Variants in MAP7 observed in about 807,000 individuals in gnomAD.
MAP7 encodes the protein microtubule associated protein 7, also known as ensconsin.
MAP7 carries 52 observed loss-of-function variants against 94.8 expected under a neutral mutation model. That is an observed-to-expected ratio of 0.55 (90% CI 0.44 to 0.69). The LOEUF (loss-of-function observed/expected upper bound fraction) is 0.69. Among genes scored for constraint, MAP7 ranks in the 30% least tolerant of loss-of-function variants. The pLI is 0.00. For synonymous variants in MAP7, 350 were observed against 357.0 expected, an observed-to-expected ratio of 0.98 and a Z score of 0.22; for missense variants, 940 against 964.6, an observed-to-expected ratio of 0.97 and a Z score of 0.34.
At chr6:136,486,951 C>T (rs1236725170) in intron 1 of MAP7, among the ~76,000 whole-genome samples, 2 of 151,458 alleles carry the variant, frequency 1.3e-5, no homozygotes, top group African/African-American at 4.9e-5. Flanking sequence ...ATAAAAATGT[C>T]AGAAGAAATA....
rs545719606 is a variant in MAP7 at position 136,480,618 on chromosome 6, G to A, written c.68-58819C>T. Among the ~76,000 whole-genome samples the A allele has an allele frequency of 9.2e-5, 13 of 141,576 alleles. No individual in the cohort carries two copies. The South Asian group carries it at 2.3e-3, about 25-fold the overall frequency. 92.9% of individuals were successfully genotyped at this position (141,576 alleles called of 152,430 possible). On this transcript the variant is annotated intron_variant, in intron 1 of 17. Coordinates refer to ENST00000354570, the MANE Select transcript of MAP7 (RefSeq NM_003980.6). ...GATTGCGCCACTGCACTCCAGCCTGGGTGACAGAGTGAGACTCTGCCTCAA... is the reference window on the plus strand; with the variant it reads ...GATTGCGCCACTGCACTCCAGCCTGAGTGACAGAGTGAGACTCTGCCTCAA...
intron 1 of MAP7, among the ~76,000 whole-genome samples, chr6:136,503,895 AAG>A (rs1475976214): frequency 6.6e-6 from 1 of 152,244 alleles, no homozygotes; most frequent in African/African-American, 2.4e-5. Flanking sequence ...TATATGCTAA[AAG>A]AGAGCACTAT....
At chr6:136,461,703 T>G (rs1214349073) in intron 1 of MAP7, among the ~76,000 whole-genome samples, 1 of 152,340 alleles carries the variant, frequency 6.6e-6, no homozygotes, top group African/African-American at 2.4e-5. Context: ...TTGAGAATAC[T>G]GATGCCTTTA....
intron 1 of MAP7, among the ~76,000 whole-genome samples, chr6:136,495,989 G>C (rs1430279135): frequency 6.6e-6 from 1 of 152,176 alleles, no homozygotes; most frequent in Admixed American, 6.5e-5. Flanking sequence ...GTTTCAGTCT[G>C]TGGAACAATT....
intron 1 of MAP7, among the ~76,000 whole-genome samples, chr6:136,474,187 A>G (rs1262937860): frequency 6.6e-6 from 1 of 152,230 alleles, no homozygotes; most frequent in African/African-American, 2.4e-5. Context: ...GTGGTGAGAA[A>G]GAACAAATGC....
intron 1 of MAP7, among the ~76,000 whole-genome samples, chr6:136,459,397 C>T (rs903829768): frequency 1.3e-5 from 2 of 152,000 alleles, no homozygotes; most frequent in Non-Finnish European, 2.9e-5. Context: ...TTCAGCAATC[C>T]CACCTCTGGA....
intron 1 of MAP7, among the ~76,000 whole-genome samples, chr6:136,461,578 T>G (rs1805222942): frequency 6.6e-6 from 1 of 152,164 alleles, no homozygotes; most frequent in Non-Finnish European, 1.5e-5. Flanking sequence ...CCACATGAGT[T>G]TATTGTCTGT....
chr6:136,522,154 C>T (rs905959053), intron 1 of MAP7, among the ~76,000 whole-genome samples: 1 of 152,190 alleles, frequency 6.6e-6, no homozygotes, highest in African/African-American at 2.4e-5. Flanking sequence ...CATTTAGTTA[C>T]TGCAGCACCT....
chr6:136,399,127 A>C (rs907820613), intron 3 of MAP7, among the ~76,000 whole-genome samples: 2 of 152,200 alleles, frequency 1.3e-5, no homozygotes, highest in African/African-American at 2.4e-5. Flanking sequence ...TAATATAATG[A>C]AGAGTCAGAA....
chr6:136,366,276 A>C, intron 9 of MAP7, 51 bp downstream of exon 9: 1 of 1,384,606 alleles, frequency 7.2e-7, no homozygotes, highest in Non-Finnish European at 1.0e-6. Flanking sequence ...GGAGAGAGCT[A>C]CTAATTCTCT....
intron 7 of MAP7, 136 bp from the exon 8 acceptor site, chr6:136,372,761 A>G: frequency 9.3e-7 from 1 of 1,070,582 alleles, no homozygotes; most frequent in South Asian, 1.5e-5. Flanking sequence ...AAAAGTAGGA[A>G]GAAGATGTTA....
intron 1 of MAP7, among the ~76,000 whole-genome samples, chr6:136,426,167 T>C (rs1793075797): frequency 1.3e-5 from 2 of 152,208 alleles, no homozygotes; most frequent in South Asian, 4.1e-4. Flanking sequence ...CTTCAACCTC[T>C]AGGGAATATC....
intron 1 of MAP7, among the ~76,000 whole-genome samples, chr6:136,496,248 C>T (rs1251079092): frequency 6.6e-6 from 1 of 152,202 alleles, no homozygotes; most frequent in Non-Finnish European, 1.5e-5. Context: ...CTCTTAGTAG[C>T]AGCTCCTAAT....
intron 1 of MAP7, among the ~76,000 whole-genome samples, chr6:136,434,633 T>C (rs964242431): frequency 6.6e-6 from 1 of 152,008 alleles, no homozygotes; most frequent in Non-Finnish European, 1.5e-5. Context: ...AATCTCTAAT[T>C]TGCCACATCA....
At chr6:136,436,239 A>G (rs1796340825) in intron 1 of MAP7, among the ~76,000 whole-genome samples, 1 of 152,202 alleles carries the variant, frequency 6.6e-6, no homozygotes, top group Non-Finnish European at 1.5e-5. Context: ...CTCAATTAAT[A>G]CTTTTGGATA....
intron 1 of MAP7, among the ~76,000 whole-genome samples, chr6:136,521,936 T>A (rs938007722): frequency 6.6e-6 from 1 of 152,200 alleles, no homozygotes; most frequent in Non-Finnish European, 1.5e-5. Context: ...GCATTATTTG[T>A]ACACATTTTT....
intron 1 of MAP7, among the ~76,000 whole-genome samples, chr6:136,538,920 A>G (rs1562494653): frequency 6.6e-6 from 1 of 152,074 alleles, no homozygotes; most frequent in Non-Finnish European, 1.5e-5. Flanking sequence ...TTTGACAGGT[A>G]AAAACCATCA....
intron 1 of MAP7, among the ~76,000 whole-genome samples, chr6:136,537,994 C>G (rs1829018508): frequency 6.6e-6 from 1 of 152,190 alleles, no homozygotes; most frequent in South Asian, 2.1e-4. Context: ...ATTGGTGAGG[C>G]TGGTCTCGAA....
At chr6:136,418,131 C>T (rs1370775796) in intron 2 of MAP7, among the ~76,000 whole-genome samples, 2 of 152,152 alleles carry the variant, frequency 1.3e-5, no homozygotes, top group Non-Finnish European at 2.9e-5. Flanking sequence ...CATTTGAGAG[C>T]AATGGTCGTT....
Sources: allele counts gnomAD v4.1 joint callset (sites outside exome capture counted in the v4.1 genomes callset), GRCh38; gene constraint gnomAD v4.1.1; transcripts MANE v1.5; gene names NCBI Gene and HGNC (gene_info 2026-07-23, HGNC 2026-07-21).